The following JADE3 variants were observed in gnomAD, a reference collection of about 807,000 sequenced individuals.
JADE3 encodes jade family PHD finger 3.
A neutral mutation model predicts 50.1 loss-of-function variants in JADE3; 2 were observed. The ratio of observed to expected loss-of-function variants is 0.04; its 90% CI spans 0.02 to 0.13. The LOEUF (loss-of-function observed/expected upper bound fraction) is 0.13, where lower values mean the gene tolerates loss of function less well. Among genes scored for constraint, JADE3 ranks in the 10% least tolerant of loss-of-function variants. The pLI, the probability that JADE3 is intolerant of heterozygous loss-of-function variation, is 1.00. For synonymous variants in JADE3, 218 were observed against 232.9 expected (o/e 0.94, Z 0.58); for missense variants, 475 against 634.4 (o/e 0.75, Z 2.70).
intron 1 of JADE3, among the ~76,000 whole-genome samples, chrX:46,921,113 G>A (rs1486021482): frequency 1.8e-5 from 2 of 111,388 alleles, no homozygotes; most frequent in East Asian, 5.6e-4. Flanking sequence ...GTCTTGCTCT[G>A]TCACCTAGGC....
At chrX:47,003,761 A>T (rs1278394165) in intron 4 of JADE3, among the ~76,000 whole-genome samples, 1 of 100,562 alleles carries the variant, frequency 9.9e-6, no homozygotes, top group African/African-American at 3.6e-5. Context: ...TTTATATATA[A>T]AATAATTATA....
intron 4 of JADE3, among the ~76,000 whole-genome samples, chrX:47,016,038 T>C (rs1462228701): frequency 3.6e-5 from 4 of 111,455 alleles, no homozygotes; most frequent in Non-Finnish European, 7.5e-5. Flanking sequence ...CATTCTCTTT[T>C]CTACTCTCTA....
intron 4 of JADE3, among the ~76,000 whole-genome samples, chrX:47,007,773 T>C (rs1301116468): frequency 5.5e-5 from 6 of 109,371 alleles, no homozygotes; most frequent in African/African-American, 2.0e-4. Context: ...GATGCAATTA[T>C]TAATATGTTA....
chrX:47,009,510 G>A (rs1374703896), intron 4 of JADE3, among the ~76,000 whole-genome samples: 3 of 110,942 alleles, frequency 2.7e-5, no homozygotes, highest in African/African-American at 9.8e-5. Context: ...GGAAAATGGT[G>A]GATGTTAATT....
At chrX:47,042,870 G>C (rs1929293815) in intron 8 of JADE3, among the ~76,000 whole-genome samples, 1 of 111,577 alleles carries the variant, frequency 9.0e-6, no homozygotes, top group African/African-American at 3.3e-5. Context: ...GTAGTAGCCA[G>C]GCAGTGATCA....
chrX:47,043,570 A>G (rs1181224833), intron 8 of JADE3, among the ~76,000 whole-genome samples: 1 of 112,178 alleles, frequency 8.9e-6, no homozygotes, highest in African/African-American at 3.2e-5. Flanking sequence ...CTGTAATCCC[A>G]GCACTTTGGG....
At chrX:46,991,635 C>T (rs782463718) in intron 3 of JADE3, among the ~76,000 whole-genome samples, 5 of 111,640 alleles carry the variant, frequency 4.5e-5, no homozygotes, top group South Asian at 7.6e-4. Flanking sequence ...TAAAGAACTA[C>T]GAGTCTGTTT....
At chrX:46,958,323 C>T (rs1248144073) in intron 1 of JADE3, among the ~76,000 whole-genome samples, 2 of 112,133 alleles carry the variant, frequency 1.8e-5, no homozygotes, top group East Asian at 5.6e-4. Context: ...TAAATTTCAT[C>T]CTGTTTTTGC....
intron 8 of JADE3, among the ~76,000 whole-genome samples, chrX:47,053,622 A>G (rs376439093): frequency 9.1e-6 from 1 of 109,683 alleles, no homozygotes; most frequent in Non-Finnish European, 1.9e-5. Flanking sequence ...TGGAATTCCT[A>G]TGACTTTTTT....
intron 4 of JADE3, among the ~76,000 whole-genome samples, chrX:47,007,836 TG>T (rs1556360708): frequency 1.9e-5 from 2 of 107,926 alleles, no homozygotes; most frequent in Non-Finnish European, 3.8e-5. Flanking sequence ...TGTGTGTGTG[TG>T]TGTGTGTGTG....
chrX:47,037,299 C>T (rs1313357877), intron 7 of JADE3, among the ~76,000 whole-genome samples: 2 of 111,404 alleles, frequency 1.8e-5, no homozygotes, highest in African/African-American at 3.3e-5. Context: ...CTTCATTACA[C>T]GGATGTGCTG....
intron 8 of JADE3, among the ~76,000 whole-genome samples, chrX:47,045,380 C>T (rs1929349547): frequency 8.9e-6 from 1 of 112,175 alleles, no homozygotes; most frequent in Admixed American, 9.4e-5. Context: ...TATATACACC[C>T]AATTCTGGAG....
chrX:46,950,364 T>TTCA (rs1926977135), intron 1 of JADE3, among the ~76,000 whole-genome samples: 2 of 112,455 alleles, frequency 1.8e-5, no homozygotes, highest in Non-Finnish European at 3.8e-5. Flanking sequence ...ATGTGGACAT[T>TTCA]TCATATAAAT....
chrX:47,006,072 G>A (rs782361070), intron 4 of JADE3, among the ~76,000 whole-genome samples: 3 of 111,729 alleles, frequency 2.7e-5, no homozygotes, highest in East Asian at 2.8e-4. Flanking sequence ...GACAGATGCC[G>A]ACATCAAGAT....
intron 3 of JADE3, among the ~76,000 whole-genome samples, chrX:46,991,063 T>TCCCCCCCCCCCCC (rs782025114): frequency 4.7e-3 from 1 of 215 alleles, no homozygotes; most frequent in Non-Finnish European, 0.012. Flanking sequence ...CCTCCCTCAC[T>TCCCCCCCCCCCCC]CCCTCCCTCC....
At chrX:46,956,661 G>A (rs1927124447) in intron 1 of JADE3, among the ~76,000 whole-genome samples, 1 of 110,206 alleles carries the variant, frequency 9.1e-6, no homozygotes, top group Non-Finnish European at 1.9e-5. Context: ...CAAGTAGCTG[G>A]TACTGCAGGT....
intron 3 of JADE3, among the ~76,000 whole-genome samples, chrX:46,993,549 G>C (rs960353619): frequency 1.8e-5 from 2 of 111,783 alleles, no homozygotes; most frequent in Non-Finnish European, 3.8e-5. Flanking sequence ...TTGATATGGG[G>C]GAAAGGGAAT....
chrX:46,981,565 G>C (rs1556353063), intron 1 of JADE3, among the ~76,000 whole-genome samples: 1 of 111,756 alleles, frequency 8.9e-6, no homozygotes, highest in Non-Finnish European at 1.9e-5. Flanking sequence ...GCCAAATGTA[G>C]CCCCAAAAAT....
intron 3 of JADE3, among the ~76,000 whole-genome samples, chrX:46,994,638 T>C (rs1255256441): frequency 8.9e-6 from 1 of 111,884 alleles, no homozygotes; most frequent in African/African-American, 3.2e-5. Context: ...GGCTCTTGCT[T>C]GGGAACTGTG....
Sources: gnomAD v4.1 joint callset for allele counts (sites outside exome capture counted in the v4.1 genomes callset) on GRCh38, gnomAD v4.1.1 for gene constraint, MANE v1.5 for transcripts, NCBI Gene and HGNC (gene_info 2026-07-23, HGNC 2026-07-21) for gene names.